FER: variants seen among roughly 807,000 people sequenced by gnomAD.
FER encodes the protein tyrosine-protein kinase Fer.
FER carries 63 observed loss-of-function variants against 111.0 expected under a neutral mutation model. The observed-to-expected ratio is 0.57, with a 90% CI of 0.46 to 0.70. The LOEUF (loss-of-function observed/expected upper bound fraction) is 0.70. Ranked by LOEUF, FER falls within the 30% of genes least tolerant of loss-of-function variation. The probability of loss-of-function intolerance (pLI) is 0.00; values close to 1 mark genes in which losing one functional copy is unlikely to be tolerated. For synonymous variants in FER, 327 were observed against 313.9 expected, an observed-to-expected ratio of 1.04 and a Z score of -0.44; for missense variants, 914 against 954.0, an observed-to-expected ratio of 0.96 and a Z score of 0.55.
intron 3 of FER, among the ~76,000 whole-genome samples, chr5:108,826,213 T>G (rs976199250): frequency 6.6e-5 from 10 of 152,342 alleles, no homozygotes; most frequent in Non-Finnish European, 1.5e-4. Context: ...ATTCTGTTAA[T>G]ATAATGTGTC....
chr5:108,923,423 A>G (rs901798177), intron 10 of FER, among the ~76,000 whole-genome samples: 2 of 152,098 alleles, frequency 1.3e-5, no homozygotes, highest in African/African-American at 4.8e-5. Context: ...CAGAATTGTG[A>G]CCCAGGGAAG....
intron 10 of FER, among the ~76,000 whole-genome samples, chr5:108,940,120 T>C (rs989378891): frequency 1.3e-5 from 2 of 152,148 alleles, no homozygotes; most frequent in South Asian, 4.1e-4. Flanking sequence ...CATCAAACTT[T>C]TGAGACATTT....
rs76299047 is a variant in FER, at chr5:108,985,447, T to C, written c.1656+26100T>C. Among the ~76,000 whole-genome samples the C allele has an allele frequency of 5.9e-3, 894 of 152,286 alleles. 5 individuals are homozygous for C. Among genetic ancestry groups the C allele is most frequent in the African/African-American group, 0.021 (858 of 41,542 alleles). On this transcript the variant is annotated intron_variant, in intron 13 of 19. Transcript: ENST00000281092. ...AAGTTTTTTTTTCTCTCTTTCTTTTTAAATAGGTTTCTGGGGAGCAGGTGG... is the reference window on the plus strand; with the variant it reads ...AAGTTTTTTTTTCTCTCTTTCTTTTCAAATAGGTTTCTGGGGAGCAGGTGG...
chr5:108,955,489 C>T (rs1290481837), intron 12 of FER, among the ~76,000 whole-genome samples: 3 of 151,674 alleles, frequency 2.0e-5, no homozygotes, highest in African/African-American at 7.2e-5. Context: ...ATTGATTATT[C>T]TAATGCTAAT....
intron 2 of FER, among the ~76,000 whole-genome samples, chr5:108,778,601 A>G (rs1193291033): frequency 6.6e-6 from 1 of 152,134 alleles, no homozygotes; most frequent in African/African-American, 2.4e-5. Flanking sequence ...GCATCTTTTC[A>G]TATGCTTATT....
chr5:108,810,563 A>C (rs1478950132), intron 3 of FER, among the ~76,000 whole-genome samples: 5 of 152,098 alleles, frequency 3.3e-5, no homozygotes, highest in Non-Finnish European at 7.4e-5. Flanking sequence ...TTGCCCGGGG[A>C]GGGAGAGTTG....
At chr5:109,136,984 A>G (rs933925512) in intron 17 of FER, among the ~76,000 whole-genome samples, 1 of 152,196 alleles carries the variant, frequency 6.6e-6, no homozygotes, top group Non-Finnish European at 1.5e-5. Flanking sequence ...CTAATGTAAC[A>G]TTCAGATAAT....
chr5:108,861,100 A>G (rs192614788), intron 5 of FER, among the ~76,000 whole-genome samples: 203 of 152,324 alleles, frequency 1.3e-3, no homozygotes, highest in African/African-American at 4.4e-3. Context: ...CCATATTAAC[A>G]AGGAATGTTC....
intron 10 of FER, among the ~76,000 whole-genome samples, chr5:108,929,545 A>G (rs1463965270): frequency 6.6e-6 from 1 of 152,126 alleles, no homozygotes; most frequent in African/African-American, 2.4e-5. Flanking sequence ...ATTTAAGTTA[A>G]CAGAAATAAG....
intron 13 of FER, among the ~76,000 whole-genome samples, chr5:109,022,323 C>G (rs1768041395): frequency 6.6e-6 from 1 of 151,974 alleles, no homozygotes; most frequent in African/African-American, 2.4e-5. Context: ...TTGGAATATA[C>G]AGGAAGGAGA....
At chr5:108,957,125 G>A (rs948613386) in intron 12 of FER, among the ~76,000 whole-genome samples, 12 of 151,714 alleles carry the variant, frequency 7.9e-5, no homozygotes, top group East Asian at 3.9e-4. Context: ...AGGAAATAAA[G>A]GGGGTTAATA....
chr5:108,860,253 G>GT (rs938694286), intron 5 of FER, among the ~76,000 whole-genome samples: 5 of 151,534 alleles, frequency 3.3e-5, no homozygotes, highest in Non-Finnish European at 4.4e-5. Flanking sequence ...ACCTATTTTT[G>GT]TTTTTAATGC....
intron 2 of FER, among the ~76,000 whole-genome samples, chr5:108,788,627 T>C (rs1369790047): frequency 6.6e-6 from 1 of 152,090 alleles, no homozygotes; most frequent in Non-Finnish European, 1.5e-5. Context: ...TGGTTTCTCC[T>C]CCTTTCAGTC....
intron 9 of FER, chr5:108,894,593 C>T (rs1289963265): frequency 5.2e-6 from 2 of 384,126 alleles, no homozygotes; most frequent in Non-Finnish European, 1.0e-5. Context: ...CGACCACATG[C>T]TTGCCCTCAA....
chr5:108,902,295 A>G (rs1023548295), intron 10 of FER, among the ~76,000 whole-genome samples: 11 of 152,238 alleles, frequency 7.2e-5, no homozygotes, highest in African/African-American at 2.2e-4. Flanking sequence ...AGGTTTTCCT[A>G]GCAATGTTAG....
Position 108,818,267 on chromosome 5 carries a change from A to G in FER, c.208-14503A>G, listed in dbSNP as rs190650804. 3.9e-5 allele frequency: 6 copies of G among 152,228 alleles called. No individual in the cohort carries two copies. The South Asian group carries it at 6.2e-4, about 16-fold the overall frequency. The allele number at this position is 152,228 out of a possible 1,614,324, so 9.4% of individuals were successfully genotyped here. A position where few individuals can be genotyped will look rare whatever the true frequency, so the allele number is the denominator to read the frequency against. ...TCATGGTGAAATCCCATCTCTACAA[A>G]AAATACAAAAAGAAAATTAGTTGGG... On this transcript the variant is annotated intron_variant, in intron 3 of 19. Transcript: ENST00000281092.
intron 3 of FER, among the ~76,000 whole-genome samples, chr5:108,819,596 G>A (rs752994937): frequency 2.1e-4 from 32 of 152,106 alleles, no homozygotes; most frequent in Non-Finnish European, 1.5e-4. Context: ...GCAAGAGGTT[G>A]GTAATATTAA....
At chr5:109,165,593 G>GGTGT (rs66749153) in intron 17 of FER, among the ~76,000 whole-genome samples, 8,136 of 142,172 alleles carry the variant, frequency 0.057, 263 homozygotes, top group Admixed American at 0.077. Context: ...GGAGGGAACT[G>GGTGT]GTGTGTGTGT....
intron 2 of FER, among the ~76,000 whole-genome samples, chr5:108,796,578 A>G (rs981372927): frequency 3.9e-5 from 6 of 152,100 alleles, no homozygotes; most frequent in Admixed American, 3.9e-4. Flanking sequence ...CTGGCACTCA[A>G]GCCATGAGAC....
Sources: allele counts gnomAD v4.1 joint callset (sites outside exome capture counted in the v4.1 genomes callset), GRCh38; gene constraint gnomAD v4.1.1; transcripts MANE v1.5; gene names NCBI Gene and HGNC (gene_info 2026-07-23, HGNC 2026-07-21).